The following TESC variants were observed in gnomAD, a reference collection of about 807,000 sequenced individuals.
The protein encoded by TESC is tescalcin, also known as calcineurin B homologous protein 3.
A neutral mutation model predicts 31.0 loss-of-function variants in TESC; 19 were observed. That is an observed-to-expected ratio of 0.61 (90% confidence interval 0.43 to 0.90). The LOEUF (loss-of-function observed/expected upper bound fraction) is 0.90. Ranked by LOEUF, TESC falls within the 40% of genes least tolerant of loss-of-function variation. The pLI is 0.00. For synonymous variants in TESC, 109 were observed against 114.8 expected, an observed-to-expected ratio of 0.95 and a Z score of 0.32; for missense variants, 248 against 303.8, an observed-to-expected ratio of 0.82 and a Z score of 1.36.
At chr12:117,039,273 C>T in intron 7 of TESC, 63 bp from the exon 8 acceptor site, 1 of 1,505,484 alleles carries the variant, frequency 6.6e-7, no homozygotes, top group East Asian at 2.4e-5. Flanking sequence ...TGACCAGGCC[C>T]CCCGGTCCTC....
At position 117,079,310 on chromosome 12, in the gene TESC, C is replaced by T. The variant is rs548489224; in HGVS notation, c.59-3970G>A. Among the ~76,000 whole-genome samples, 20 of 152,232 alleles carry T rather than the reference C, an allele frequency of 1.3e-4. 1 individual carries two copies. In the South Asian group the frequency reaches 4.2e-3, roughly 32 times the overall value. ...GGCGTGGTGGCTCATGCCTGTAATACCAGCACTTTGGGGGGCTGAGGCGGG... is the reference window on the plus strand; with the variant it reads ...GGCGTGGTGGCTCATGCCTGTAATATCAGCACTTTGGGGGGCTGAGGCGGG... On this transcript the variant is annotated intron_variant, in intron 1 of 7. Coordinates refer to ENST00000335209, the MANE Select transcript of TESC (RefSeq NM_017899.4).
intron 1 of TESC, among the ~76,000 whole-genome samples, chr12:117,095,564 A>G (rs891469377): frequency 1.3e-5 from 2 of 152,188 alleles, no homozygotes; most frequent in African/African-American, 2.4e-5. Flanking sequence ...ACACACAGTG[A>G]AAGCATGCTG....
chr12:117,055,955 C>T (rs1490372476), intron 3 of TESC, among the ~76,000 whole-genome samples: 2 of 147,172 alleles, frequency 1.4e-5, no homozygotes. Context: ...GTCTTACTGA[C>T]TCTCGCCCAG....
intron 2 of TESC, among the ~76,000 whole-genome samples, chr12:117,060,424 A>C (rs553655167): frequency 5.9e-5 from 9 of 152,258 alleles, no homozygotes; most frequent in African/African-American, 2.2e-4. Context: ...TCACACCCTC[A>C]CTGCTCGGAG....
intron 2 of TESC, among the ~76,000 whole-genome samples, chr12:117,059,473 C>T (rs778425158): frequency 3.9e-5 from 6 of 152,190 alleles, no homozygotes; most frequent in Non-Finnish European, 7.4e-5. Context: ...GAGGTAGACT[C>T]GGGACAGCTG....
intron 1 of TESC, among the ~76,000 whole-genome samples, chr12:117,085,077 G>A (rs1456962325): frequency 6.6e-6 from 1 of 152,266 alleles, no homozygotes; most frequent in Non-Finnish European, 1.5e-5. Context: ...TTGCAGCGGA[G>A]GTTCTAGGCC....
chr12:117,087,939 C>T (rs951205717), intron 1 of TESC, among the ~76,000 whole-genome samples: 1 of 152,230 alleles, frequency 6.6e-6, no homozygotes, highest in Non-Finnish European at 1.5e-5. Flanking sequence ...TTAGTCCTCG[C>T]TTTTAGGGTG....
chr12:117,079,335 G>A (rs1955114549), intron 1 of TESC, among the ~76,000 whole-genome samples: 1 of 152,122 alleles, frequency 6.6e-6, no homozygotes, highest in South Asian at 2.1e-4. Context: ...GCTGAGGCGG[G>A]TGGATCACTT....
At chr12:117,076,949 C>G (rs1207599092) in intron 1 of TESC, among the ~76,000 whole-genome samples, 1 of 152,126 alleles carries the variant, frequency 6.6e-6, no homozygotes, top group East Asian at 1.9e-4. Flanking sequence ...ATATACAGTT[C>G]ACACAAACCT....
rs74782139 is a variant in TESC, at chr12:117,053,029, C to T, written c.209+3777G>A. Among the ~76,000 whole-genome samples, 881 of 152,356 alleles carry T rather than the reference C, an allele frequency of 5.8e-3. 10 individuals carry two copies. The highest frequency in any genetic ancestry group is 0.02 in the African/African-American group (831 of 41,584). Reference sequence around the variant, plus strand: ...CCACCCACACCAGCCCAGACCTCACCGCCCCTTCCTGCCTAGCTCCCTCCT... The same window carrying T: ...CCACCCACACCAGCCCAGACCTCACTGCCCCTTCCTGCCTAGCTCCCTCCT... On this transcript the variant is annotated intron_variant, in intron 3 of 7. Transcript: ENST00000335209.
chr12:117,080,114 G>A (rs1213207924), intron 1 of TESC, among the ~76,000 whole-genome samples: 2 of 152,080 alleles, frequency 1.3e-5, no homozygotes, highest in Admixed American at 1.3e-4. Context: ...GCTAGGAAGA[G>A]GTATATAAAT....
chr12:117,069,039 G>A (rs1954926386), intron 2 of TESC, among the ~76,000 whole-genome samples: 1 of 152,012 alleles, frequency 6.6e-6, no homozygotes, highest in Non-Finnish European at 1.5e-5. Context: ...GAGTGTACAG[G>A]GGAAGAGCCC....
chr12:117,054,687 T>C (rs79973706), intron 3 of TESC, among the ~76,000 whole-genome samples: 7,565 of 152,214 alleles, frequency 0.05, 374 homozygotes, highest in South Asian at 0.16. Context: ...CTCAGCACCT[T>C]GTCCAGGGTC....
intron 2 of TESC, among the ~76,000 whole-genome samples, chr12:117,062,090 T>C (rs1250473195): frequency 6.6e-6 from 1 of 152,136 alleles, no homozygotes; most frequent in Non-Finnish European, 1.5e-5. Flanking sequence ...GTATTAATAG[T>C]AGTAATAATA....
intron 1 of TESC, among the ~76,000 whole-genome samples, chr12:117,089,170 G>T (rs751569074): frequency 1.3e-5 from 2 of 152,242 alleles, no homozygotes; most frequent in Non-Finnish European, 2.9e-5. Context: ...CAAACTCCAA[G>T]ACTGAGCCAC....
At chr12:117,044,219 A>G (rs1248720268) in intron 6 of TESC, among the ~76,000 whole-genome samples, 2 of 152,050 alleles carry the variant, frequency 1.3e-5, no homozygotes, top group Admixed American at 1.3e-4. Context: ...AGCTATGATC[A>G]CACCACTGTA....
At chr12:117,084,302 C>G (rs1233220640) in intron 1 of TESC, among the ~76,000 whole-genome samples, 3 of 152,098 alleles carry the variant, frequency 2.0e-5, no homozygotes, top group Admixed American at 6.6e-5. Context: ...TTGAGAATTT[C>G]AGTGTCTCCA....
intron 5 of TESC, 55 bp downstream of exon 5, chr12:117,046,722 G>A: frequency 6.4e-7 from 1 of 1,553,304 alleles, no homozygotes; most frequent in Non-Finnish European, 8.7e-7. Context: ...GGGTCGTGGG[G>A]GGCAGAGGGG....
At chr12:117,061,757 G>A (rs1954802962) in intron 2 of TESC, among the ~76,000 whole-genome samples, 1 of 152,176 alleles carries the variant, frequency 6.6e-6, no homozygotes, top group Admixed American at 6.5e-5. Flanking sequence ...TCATCTGTGA[G>A]ATGGGTGCAG....
Sources: allele counts gnomAD v4.1 joint callset (sites outside exome capture counted in the v4.1 genomes callset), GRCh38; gene constraint gnomAD v4.1.1; transcripts MANE v1.5; gene names NCBI Gene and HGNC (gene_info 2026-07-23, HGNC 2026-07-21).